The following LTBP1 variants were observed in gnomAD, a reference collection of about 807,000 sequenced individuals.
LTBP1 encodes the protein latent transforming growth factor beta binding protein 1.
In LTBP1, 129 loss-of-function variants were observed where a neutral mutation model predicts 207.6. The observed-to-expected ratio is 0.62, with a 90% CI of 0.54 to 0.72. The LOEUF is 0.72. Among genes scored for constraint, LTBP1 ranks in the 30% least tolerant of loss-of-function variants. The pLI is 0.00. For synonymous variants in LTBP1, 963 were observed against 833.7 expected, an observed-to-expected ratio of 1.16 and a Z score of -2.67; for missense variants, 2,281 against 2,217.2, an observed-to-expected ratio of 1.03 and a Z score of -0.58.
At chr2:33,010,129 G>T (rs1164902320) in intron 2 of LTBP1, among the ~76,000 whole-genome samples, 1 of 152,114 alleles carries the variant, frequency 6.6e-6, no homozygotes, top group Admixed American at 6.5e-5. Flanking sequence ...GAGGAGGAGG[G>T]ACCAGGCCTC....
intron 3 of LTBP1, among the ~76,000 whole-genome samples, chr2:33,068,415 G>T (rs976292551): frequency 7.2e-5 from 11 of 152,068 alleles, no homozygotes. Flanking sequence ...GGGGTAATTT[G>T]TTATAAATGA....
At chr2:33,031,877 C>T (rs558590887) in intron 3 of LTBP1, among the ~76,000 whole-genome samples, 1 of 152,154 alleles carries the variant, frequency 6.6e-6, no homozygotes, top group Admixed American at 6.5e-5. Context: ...GTCAGGCTCA[C>T]CCTGGAAAGC....
At chr2:32,948,059 A>T (rs1676526487) in intron 1 of LTBP1, among the ~76,000 whole-genome samples, 1 of 152,144 alleles carries the variant, frequency 6.6e-6, no homozygotes, top group South Asian at 2.1e-4. Context: ...GCGGGTAAAC[A>T]CAAAAGGCAT....
At chr2:33,137,493 A>C (rs1289296009) in intron 5 of LTBP1, among the ~76,000 whole-genome samples, 1 of 152,204 alleles carries the variant, frequency 6.6e-6, no homozygotes, top group Non-Finnish European at 1.5e-5. Context: ...CCCTGCCATC[A>C]TCGTGTGAAA....
chr2:33,065,000 T>C (rs2077437756), intron 3 of LTBP1, among the ~76,000 whole-genome samples: 1 of 152,190 alleles, frequency 6.6e-6, no homozygotes, highest in Non-Finnish European at 1.5e-5. Context: ...GGTGAAAGTA[T>C]GTTATTTTAC....
chr2:33,263,302 G>A lies in LTBP1; in HGVS notation c.2527G>A (p.Glu843Lys), dbSNP rs557490996. 4 of 1,611,214 alleles carry A rather than the reference G, an allele frequency of 2.5e-6. No homozygotes were observed. Among genetic ancestry groups the A allele is most frequent in the South Asian group, 1.1e-5 (1 of 90,996 alleles). ...TCTGCTTCCTCATATAGTAGTGATT[G>A]AAAAAACATCACCTCCTGTGCCTGT... ...HLHPQFPVVI[E>K]KTSPPVPVEV... Residue 843 changes from glutamate (E) to lysine (K), a missense_variant, in exon 15 of 34, where the codon GAA becomes AAA. Transcript: ENST00000404816.
chr2:33,311,084 A>G (rs3769545), intron 23 of LTBP1, among the ~76,000 whole-genome samples: 37,952 of 152,014 alleles, frequency 0.25, 6,087 homozygotes, highest in Admixed American at 0.33. Flanking sequence ...CATGTCCCAA[A>G]TAACAGTCTT....
At chr2:33,171,632 A>G (rs1163841129) in intron 5 of LTBP1, among the ~76,000 whole-genome samples, 5 of 151,882 alleles carry the variant, frequency 3.3e-5, no homozygotes, top group Admixed American at 2.0e-4. Context: ...GCAGGCCAAC[A>G]TTCAGATTCA....
intron 4 of LTBP1, among the ~76,000 whole-genome samples, chr2:33,122,088 T>C (rs1417312051): frequency 6.6e-6 from 1 of 151,748 alleles, no homozygotes; most frequent in Non-Finnish European, 1.5e-5. Flanking sequence ...ATTTTGCGTG[T>C]CCCCTTGACT....
intron 5 of LTBP1, among the ~76,000 whole-genome samples, chr2:33,146,300 C>A (rs1452130127): frequency 6.6e-6 from 1 of 152,198 alleles, no homozygotes; most frequent in African/African-American, 2.4e-5. Context: ...AAGACAAAAT[C>A]TAGACAAGAA....
At chr2:33,229,328 T>C (rs2091650922) in intron 9 of LTBP1, among the ~76,000 whole-genome samples, 1 of 151,638 alleles carries the variant, frequency 6.6e-6, no homozygotes, top group Non-Finnish European at 1.5e-5. Flanking sequence ...AATAAAAATT[T>C]GCTGGGTGTG....
chr2:33,129,844 A>G (rs1186252319), intron 4 of LTBP1, among the ~76,000 whole-genome samples: 1 of 152,158 alleles, frequency 6.6e-6, no homozygotes. Context: ...AACTCAAGAG[A>G]TGGAGCTGAA....
intron 4 of LTBP1, among the ~76,000 whole-genome samples, chr2:33,120,812 A>C (rs188710316): frequency 2.6e-5 from 4 of 152,328 alleles, no homozygotes; most frequent in Admixed American, 1.3e-4. Context: ...TCCCACCAGC[A>C]GTGTTGTATG....
intron 3 of LTBP1, among the ~76,000 whole-genome samples, chr2:33,089,173 GAAAAAA>G (rs962135577): frequency 7.5e-6 from 1 of 133,526 alleles, no homozygotes; most frequent in South Asian, 2.5e-4. Flanking sequence ...AAAAAAAAAA[GAAAAAA>G]AGAAAAAGAA....
chr2:33,341,714 C>CAAAAAAAAAAAAAAAA (rs1212498794), intron 24 of LTBP1, among the ~76,000 whole-genome samples: 1 of 113,086 alleles, frequency 8.8e-6, no homozygotes, highest in African/African-American at 4.3e-5. Flanking sequence ...CCGTCTCACT[C>CAAAAAAAAAAAAAAAA]AAAAAAAAAA....
intron 3 of LTBP1, among the ~76,000 whole-genome samples, chr2:33,097,339 T>G (rs1196096612): frequency 6.6e-6 from 1 of 152,146 alleles, no homozygotes; most frequent in Non-Finnish European, 1.5e-5. Flanking sequence ...AAAATAAAAG[T>G]CAATATGTAA....
intron 24 of LTBP1, among the ~76,000 whole-genome samples, chr2:33,320,529 C>G (rs2094339531): frequency 6.6e-6 from 1 of 152,018 alleles, no homozygotes; most frequent in African/African-American, 2.4e-5. Flanking sequence ...GAAAGAAATA[C>G]TGAAATTTTC....
rs529012121 is a variant in LTBP1 at position 33,106,540 on chromosome 2, A to G, written c.864-4042A>G. 3.3e-5 allele frequency among the ~76,000 whole-genome samples: 5 copies of G among 152,290 alleles called. No homozygotes were observed. The East Asian group carries it at 9.6e-4, about 29-fold the overall frequency. On this transcript the variant is annotated intron_variant, in intron 3 of 33. Transcript: ENST00000404816. ...GCACCAAAAAAGTTAACTTTTTTATACATCTCATTCAGAGCTCTTGGGTGA... is the reference window on the plus strand; with the variant it reads ...GCACCAAAAAAGTTAACTTTTTTATGCATCTCATTCAGAGCTCTTGGGTGA...
chr2:33,371,112 A>C (rs2095062146), intron 31 of LTBP1, among the ~76,000 whole-genome samples: 1 of 152,196 alleles, frequency 6.6e-6, no homozygotes, highest in Non-Finnish European at 1.5e-5. Context: ...GGAGCTTTAC[A>C]TAAGGAGAAT....
Sources: allele counts gnomAD v4.1 joint callset (sites outside exome capture counted in the v4.1 genomes callset), GRCh38; gene constraint gnomAD v4.1.1; transcripts MANE v1.5; gene names NCBI Gene and HGNC (gene_info 2026-07-23, HGNC 2026-07-21).